Variants in DENND1A observed in about 807,000 individuals in gnomAD.
DENND1A encodes DENN domain containing 1A.
DENND1A carries 51 observed loss-of-function variants against 113.7 expected under a neutral mutation model. The ratio of observed to expected loss-of-function variants is 0.45; its 90% CI spans 0.36 to 0.57. The LOEUF (loss-of-function observed/expected upper bound fraction) is 0.57. Among genes scored for constraint, DENND1A ranks in the 20% least tolerant of loss-of-function variants. The pLI, the probability that DENND1A is intolerant of heterozygous loss-of-function variation, is 0.00. For synonymous variants in DENND1A, 565 were observed against 570.8 expected, an observed-to-expected ratio of 0.99 and a Z score of 0.14; for missense variants, 1,258 against 1,395.9, an observed-to-expected ratio of 0.90 and a Z score of 1.57.
chr9:123,559,060 T>C (rs915273660), intron 12 of DENND1A, among the ~76,000 whole-genome samples: 4 of 152,114 alleles, frequency 2.6e-5, no homozygotes, highest in Admixed American at 1.3e-4. Flanking sequence ...AAGCTTGCAC[T>C]AAGATCTGAA....
chr9:123,688,211 A>G (rs957409899), intron 5 of DENND1A, among the ~76,000 whole-genome samples: 5 of 152,184 alleles, frequency 3.3e-5, no homozygotes, highest in African/African-American at 1.2e-4. Flanking sequence ...CACAGCCACA[A>G]AGTAGATGAG....
intron 2 of DENND1A, among the ~76,000 whole-genome samples, chr9:123,857,525 A>C: frequency 6.6e-6 from 1 of 152,356 alleles, no homozygotes; most frequent in East Asian, 1.9e-4. Flanking sequence ...CCTGGCAAAG[A>C]CTACTTTAAT....
chr9:123,506,183 T>C (rs1046050792), intron 13 of DENND1A, among the ~76,000 whole-genome samples: 1 of 152,254 alleles, frequency 6.6e-6, no homozygotes, highest in Admixed American at 6.5e-5. Context: ...TTTTTTCATC[T>C]GCACAACAGA....
At chr9:123,770,161 C>G (rs187956177) in intron 3 of DENND1A, among the ~76,000 whole-genome samples, 2 of 152,310 alleles carry the variant, frequency 1.3e-5, no homozygotes, top group African/African-American at 4.8e-5. Flanking sequence ...TGGAACCAAA[C>G]TGTAACAGTT....
At chr9:123,779,806 G>A (rs117269316) in intron 3 of DENND1A, among the ~76,000 whole-genome samples, 3,343 of 152,244 alleles carry the variant, frequency 0.022, 47 homozygotes, top group Middle Eastern at 0.034. Context: ...TGGAACAGAG[G>A]AGACTAGACA....
chr9:123,518,002 A>AT (rs2054083331), intron 13 of DENND1A, among the ~76,000 whole-genome samples: 1 of 152,070 alleles, frequency 6.6e-6, no homozygotes, highest in Non-Finnish European at 1.5e-5. Flanking sequence ...ATATATTATT[A>AT]TTTTTTAGGT....
intron 1 of DENND1A, chr9:123,928,661 A>G: frequency 1.0e-6 from 1 of 985,384 alleles, no homozygotes; most frequent in Non-Finnish European, 1.2e-6. Flanking sequence ...TCTCATACAT[A>G]TTTTGTAAAT....
At chr9:123,544,703 A>G (rs578255251) in intron 13 of DENND1A, among the ~76,000 whole-genome samples, 1 of 152,392 alleles carries the variant, frequency 6.6e-6, no homozygotes, top group East Asian at 1.9e-4. Flanking sequence ...AGAGCCTAGC[A>G]TATAACAAAT....
chr9:123,455,645 G>A (rs1280440395), intron 15 of DENND1A, among the ~76,000 whole-genome samples: 1 of 152,242 alleles, frequency 6.6e-6, no homozygotes, highest in African/African-American at 2.4e-5. Context: ...CCCCAGGGCT[G>A]TGTGTCCCAT....
chr9:123,718,942 AC>A (rs749527031), intron 5 of DENND1A, among the ~76,000 whole-genome samples: 6 of 152,204 alleles, frequency 3.9e-5, no homozygotes, highest in Non-Finnish European at 8.8e-5. Context: ...TAACTGAATC[AC>A]AGGGGCAGTT....
At chr9:123,827,422 G>A (rs1020126744) in intron 2 of DENND1A, among the ~76,000 whole-genome samples, 1 of 146,294 alleles carries the variant, frequency 6.8e-6, no homozygotes. Context: ...TATATAGGTG[G>A]GAGGAACACC....
At chr9:123,554,151 C>T (rs2057289841) in intron 13 of DENND1A, among the ~76,000 whole-genome samples, 1 of 152,218 alleles carries the variant, frequency 6.6e-6, no homozygotes, top group Admixed American at 6.5e-5. Context: ...ACCATCCTCC[C>T]CCCGATGCAG....
intron 2 of DENND1A, among the ~76,000 whole-genome samples, chr9:123,852,468 A>G (rs1179509880): frequency 2.0e-5 from 3 of 152,096 alleles, no homozygotes; most frequent in Non-Finnish European, 2.9e-5. Context: ...TTGACTATTT[A>G]TTTCCCTCAT....
intron 13 of DENND1A, among the ~76,000 whole-genome samples, chr9:123,514,411 G>A (rs1047973187): frequency 1.3e-5 from 2 of 152,064 alleles, no homozygotes; most frequent in African/African-American, 2.4e-5. Context: ...GAATCCATGT[G>A]AGAAGGGAGG....
In DENND1A at chr9:123,711,505, G is replaced by GTATATATATATATA. The variant is rs1168546766; in HGVS notation, c.303-34717_303-34716insTATATATATATATA. 2.5e-3 allele frequency among the ~76,000 whole-genome samples: 154 copies of GTATATATATATATA among 62,386 alleles called. 1 individual carries two copies. The highest frequency in any genetic ancestry group is 0.012 in the African/African-American group (136 of 10,972). The allele number at this position is 62,386 out of a possible 152,430, so 40.9% of individuals were successfully genotyped here. On this transcript the variant is annotated intron_variant, in intron 5 of 23. Coordinates refer to ENST00000394215, the MANE Select transcript of DENND1A (RefSeq NM_001352964.2). ...TTAAAAAATATATATATATATATAT[G>GTATATATATATATA]TATATATGTATATATATATATATAT...
chr9:123,469,786 C>T (rs970198281), intron 13 of DENND1A, among the ~76,000 whole-genome samples: 2 of 152,098 alleles, frequency 1.3e-5, no homozygotes, highest in African/African-American at 2.4e-5. Context: ...CACAGCATCG[C>T]GTGAGGTAGG....
intron 4 of DENND1A, among the ~76,000 whole-genome samples, chr9:123,766,843 C>A (rs894742340): frequency 6.6e-6 from 1 of 152,144 alleles, no homozygotes. Context: ...TAAAACAACA[C>A]ACGAGACAGC....
chr9:123,385,557 C>G (rs889964646), intron 22 of DENND1A, among the ~76,000 whole-genome samples: 15 of 152,274 alleles, frequency 9.9e-5, no homozygotes, highest in Middle Eastern at 6.8e-3. Flanking sequence ...GGGGGAAGGG[C>G]ACCACCTGGC....
At position 123,648,062 on chromosome 9, in the gene DENND1A, C is replaced by T. The variant is rs191156947; in HGVS notation, c.618+3951G>A. ...TGTCAGCCACGAAATTTTTTGTAAA[C>T]CTAGTGTTTCACTGCTGGTTTTGTT... is the stretch of plus-strand genomic sequence containing the variant. On this transcript the variant is annotated intron_variant, in intron 9 of 23. Coordinates refer to ENST00000394215, the MANE Select transcript of DENND1A (RefSeq NM_001352964.2). Among the ~76,000 whole-genome samples, 64 of 152,194 alleles carry T rather than the reference C, an allele frequency of 4.2e-4. 1 individual carries two copies. The highest frequency in any genetic ancestry group is 5.9e-4 in the Non-Finnish European group (40 of 68,014).
Sources: gnomAD v4.1 joint callset for allele counts (sites outside exome capture counted in the v4.1 genomes callset) on GRCh38, gnomAD v4.1.1 for gene constraint, MANE v1.5 for transcripts, NCBI Gene and HGNC (gene_info 2026-07-23, HGNC 2026-07-21) for gene names.